Variants in ADAMTS4 observed in about 807,000 individuals in gnomAD.
ADAMTS4 encodes the protein ADAM metallopeptidase with thrombospondin type 1 motif 4.
ADAMTS4 carries 38 observed loss-of-function variants against 66.7 expected under a neutral mutation model. The observed-to-expected ratio is 0.57, with a 90% CI of 0.44 to 0.75. ADAMTS4 has a LOEUF of 0.75. ADAMTS4 is among the 30% of genes least tolerant of loss of function. The probability of loss-of-function intolerance (pLI) is 0.00; values close to 1 mark genes in which losing one functional copy is unlikely to be tolerated. For missense variants in ADAMTS4, 1,014 were observed against 1,116.7 expected (o/e 0.91, Z 1.31); for synonymous variants, 418 against 461.5 (o/e 0.91, Z 1.21).
chr1:161,193,193 G>A lies in ADAMTS4; in HGVS notation c.1911+20C>T. ...GTGTGTGTGACCATAGACAGGGCCT[G>A]GGGGTGTCCTGACCCTCACCCGTGG... On this transcript the variant is annotated intron_variant, in intron 7 of 8. Transcript: ENST00000367996. The surrounding 1 kb of genome is among the most constrained non-coding windows in gnomAD (Gnocchi z 4.4). 6.2e-7 allele frequency: 1 copy of A among 1,605,088 alleles called. No individual in the cohort carries two copies. The highest frequency in any genetic ancestry group is 8.5e-7 in the Non-Finnish European group (1 of 1,174,736).
chr1:161,192,798 T>C (rs1664713532), intron 7 of ADAMTS4, among the ~76,000 whole-genome samples: 1 of 152,012 alleles, frequency 6.6e-6, no homozygotes, highest in African/African-American at 2.4e-5. Context: ...AGAGAGGGAG[T>C]GTAGGGACTT....
chr1:161,192,545 C>A (rs1164844284), intron 7 of ADAMTS4, among the ~76,000 whole-genome samples: 1 of 151,920 alleles, frequency 6.6e-6, no homozygotes, highest in South Asian at 2.1e-4. Flanking sequence ...AGGGATGGAA[C>A]GTTGAGGTTT....
chr1:161,191,634 G>A, intron 8 of ADAMTS4, 70 bp from the exon 9 acceptor site: 2 of 1,447,058 alleles, frequency 1.4e-6, no homozygotes, highest in Non-Finnish European at 9.5e-7. Flanking sequence ...CTGTGCTTAT[G>A]TGACTGTATG....
chr1:161,191,451 C>T lies in ADAMTS4; in HGVS notation c.2201G>A (p.Gly734Asp). ...GTATTCACCATTGAGGGCATAGGAGCCATCTGGCAGCTTCAGGGCCAAGTA... is the reference window on the plus strand; with the variant it reads ...GTATTCACCATTGAGGGCATAGGAGTCATCTGGCAGCTTCAGGGCCAAGTA... ...SIYLALKLPDGSYALNGEYTL... is the reference protein window; with the variant it reads ...SIYLALKLPDDSYALNGEYTL... Residue 734 changes from glycine to aspartate, a missense_variant, in exon 9 of 9, where the codon GGC (glycine) becomes GAC (aspartate). Physicochemically the swap from Gly to Asp is moderately conservative, Grantham distance 94. Coordinates refer to ENST00000367996, the MANE Select transcript of ADAMTS4 (RefSeq NM_005099.6). 1 of 1,614,168 alleles carries T rather than the reference C, an allele frequency of 6.2e-7. No homozygotes were observed. Among genetic ancestry groups the T allele is most frequent in the Non-Finnish European group, 8.5e-7 (1 of 1,180,008 alleles).
rs1360309398 is a variant in ADAMTS4 at position 161,188,929 on chromosome 1, C to T, written c.*2209G>A. 4.3e-5 allele frequency: 4 copies of T among 92,782 alleles called. No homozygotes were observed. Among genetic ancestry groups the T allele is most frequent in the Admixed American group, 2.6e-4 (2 of 7,738 alleles). 5.7% of individuals were successfully genotyped at this position (92,782 alleles called of 1,614,324 possible). A position where few individuals can be genotyped will look rare whatever the true frequency, so the allele number is the denominator to read the frequency against. On this transcript the variant is annotated 3_prime_UTR_variant, in exon 9 of 9. Transcript: ENST00000367996. ...ATATATTTTGTATTTTTAGTAGACACGGGGTTTCACTGTGGTAGCCAGGAT... is the reference window on the plus strand; with the variant it reads ...ATATATTTTGTATTTTTAGTAGACATGGGGTTTCACTGTGGTAGCCAGGAT...
rs1664738261 is a variant in ADAMTS4, at chr1:161,193,714, T to C, written c.1661A>G (p.Asn554Ser). 1 of 1,614,012 alleles carries C rather than the reference T, an allele frequency of 6.2e-7. No homozygotes were observed. The highest frequency in any genetic ancestry group is 1.3e-5 in the African/African-American group (1 of 74,986). Residue 554 changes from asparagine (N) to serine (S), a missense_variant, in exon 6 of 9, where the codon AAT becomes AGT. Coordinates refer to ENST00000367996, the MANE Select transcript of ADAMTS4 (RefSeq NM_005099.6). This position sits in a 1 kb window ranked among gnomAD's most constrained non-coding sequence, Gnocchi z 4.4. ...GCGGCCCTCACAGTACTTGCCACCATTCCGGGGGACAGGCCTCGTGCAGTC... is the reference window on the plus strand; with the variant it reads ...GCGGCCCTCACAGTACTTGCCACCACTCCGGGGGACAGGCCTCGTGCAGTC... ...SRDCTRPVPR[N>S]GGKYCEGRRT...
chr1:161,193,331 T>G lies in ADAMTS4; in HGVS notation c.1793A>C (p.Lys598Thr), dbSNP rs765047810. The change falls in exon 7 of 9, where the codon AAG (lysine) becomes ACG (threonine). Residue 598 changes from lysine to threonine, a missense_variant. By Grantham distance (78) the Lys-to-Thr change is moderately conservative (BLOSUM62 -1). Transcript: ENST00000367996. This position sits in a 1 kb window ranked among gnomAD's most constrained non-coding sequence, Gnocchi z 4.4. ...AAYNHRTDLFKSFPGPMDWVP... is the reference protein window; with the variant it reads ...AAYNHRTDLFTSFPGPMDWVP... ...CCAGTCCATGGGCCCTGGGAAGCTC[T>G]TGAAGAGGTCGGTGCGGTGGTTGTA... The G allele has an allele frequency of 6.2e-7, 1 of 1,613,872 alleles. No homozygotes were observed. The highest frequency in any genetic ancestry group is 1.3e-5 in the African/African-American group (1 of 74,890).
Position 161,196,267 on chromosome 1 carries a change from T to C in ADAMTS4, c.994A>G (p.Met332Val), listed in dbSNP as rs1664831075. The C allele has an allele frequency of 1.9e-6, 3 of 1,613,664 alleles. No individual in the cohort carries two copies. Among genetic ancestry groups the C allele is most frequent in the African/African-American group, 1.3e-5 (1 of 74,980 alleles). The change falls in exon 3 of 9, where the codon ATG (methionine) becomes GTG (valine). Residue 332 changes from methionine to valine, a missense_variant. Physicochemically the swap from Met to Val is conservative, Grantham distance 21 (BLOSUM62 1). Coordinates refer to ENST00000367996, the MANE Select transcript of ADAMTS4 (RefSeq NM_005099.6). Reference sequence around the variant, plus strand: ...TCACAGACGGTGCCCACATCAGCCATACCCAGCGTGTCGCAAGTGGAGACT... The same window carrying C: ...TCACAGACGGTGCCCACATCAGCCACACCCAGCGTGTCGCAAGTGGAGACT... ...CGVSTCDTLG[M>V]ADVGTVCDPA...
chr1:161,189,727 TG>T lies in ADAMTS4; in HGVS notation c.*1410del. On this transcript the variant is annotated 3_prime_UTR_variant, in exon 9 of 9. Transcript: ENST00000367996. ...ACAGTAAGTAACAGCAGCTGCTATT[TG>T]TTGAGCACTTACTAGATGCTGAGTG... 1 of 152,212 alleles carries T rather than the reference TG, an allele frequency of 6.6e-6. No individual in the cohort carries two copies. The highest frequency in any genetic ancestry group is 1.5e-5 in the Non-Finnish European group (1 of 68,042). 9.4% of individuals were successfully genotyped at this position (152,212 alleles called of 1,614,324 possible). A position where few individuals can be genotyped will look rare whatever the true frequency, so the allele number is the denominator to read the frequency against.
intron 1 of ADAMTS4, 62 bp downstream of exon 1, chr1:161,197,932 AG>A (rs1468600791): frequency 6.6e-6 from 10 of 1,510,720 alleles, no homozygotes; most frequent in Non-Finnish European, 8.9e-6. Context: ...GAGGGTGAAT[AG>A]GGGTCAGTAG....
rs4233367 is a variant in ADAMTS4, at chr1:161,193,247, T to C, written c.1877A>G (p.Gln626Arg). The change falls in exon 7 of 9, where the codon CAG (glutamine) becomes CGG (arginine). Residue 626 changes from glutamine (Q) to arginine (R), a missense_variant. By Grantham distance (43) the Gln-to-Arg change is conservative. Coordinates refer to ENST00000367996, the MANE Select transcript of ADAMTS4 (RefSeq NM_005099.6). The surrounding 1 kb of genome is among the most constrained non-coding windows in gnomAD (Gnocchi z 4.4). Reference protein sequence around the residue: ...QDQCKLTCQAQALGYYYVLEP... With the variant: ...QDQCKLTCQARALGYYYVLEP... ...CAGCACATAGTAGTAGCCCAGTGCCTGGGCCTGGCAGGTGAGTTTGCACTG... is the reference window on the plus strand; with the variant it reads ...CAGCACATAGTAGTAGCCCAGTGCCCGGGCCTGGCAGGTGAGTTTGCACTG... 0.63 allele frequency: 1,010,783 copies of C among 1,613,388 alleles called. 320,657 individuals are homozygous for C. The highest frequency in any genetic ancestry group is 0.92 in the East Asian group (41,107 of 44,872).
At position 161,187,794 on chromosome 1, in the gene ADAMTS4, A is replaced by G. The variant is rs949845972; in HGVS notation, c.*3344T>C. 6.6e-6 allele frequency: 1 copy of G among 152,010 alleles called. No homozygotes were observed. Among genetic ancestry groups the G allele is most frequent in the African/African-American group, 2.4e-5 (1 of 41,376 alleles). The allele number at this position is 152,010 out of a possible 1,614,324, so 9.4% of individuals were successfully genotyped here. On this transcript the variant is annotated 3_prime_UTR_variant, in exon 9 of 9. Coordinates refer to ENST00000367996, the MANE Select transcript of ADAMTS4 (RefSeq NM_005099.6). ...CTCAACCTCAGGGTCTTCTTTACCTATAGTTTCTCCCACAACCCCACATCC... is the reference window on the plus strand; with the variant it reads ...CTCAACCTCAGGGTCTTCTTTACCTGTAGTTTCTCCCACAACCCCACATCC...
In ADAMTS4 at chr1:161,184,684, C is replaced by T. The variant is rs1664504581; in HGVS notation, c.*6454G>A. ...ATCCATTTTCAGGTGAAAATTCTTA[C>T]ATTTTCCGCTCCCTACTACTTATTT... On this transcript the variant is annotated 3_prime_UTR_variant, in exon 9 of 9. Coordinates refer to ENST00000367996, the MANE Select transcript of ADAMTS4 (RefSeq NM_005099.6). 6.6e-6 allele frequency: 1 copy of T among 152,154 alleles called. No individual in the cohort carries two copies. The highest frequency in any genetic ancestry group is 2.4e-5 in the African/African-American group (1 of 41,416). The allele number at this position is 152,154 out of a possible 1,614,324, so 9.4% of individuals were successfully genotyped here.
Position 161,192,028 on chromosome 1 carries a change from T to G in ADAMTS4, c.2087+37A>C, listed in dbSNP as rs748808947. ...CTCTGCATCACTAGGACCCAGAATG[T>G]CCAGGAAGGTAGAGGGAGGAATGAT... On this transcript the variant is annotated intron_variant, in intron 8 of 8. Transcript: ENST00000367996. The G allele has an allele frequency of 4.4e-6, 7 of 1,606,866 alleles. No homozygotes were observed. In the South Asian group the frequency reaches 5.5e-5, roughly 13 times the overall value.
In ADAMTS4 at chr1:161,194,538, T is replaced by C. The variant is rs1249080293; in HGVS notation, c.1262-317A>G. The stretch of plus-strand genomic sequence containing the variant: ...CTGAGTAGCTGGGATTACAGGCATG[T>C]GCCATGTCCAGCTAATTTTTTGGAA... On this transcript the variant is annotated intron_variant, in intron 4 of 8. Transcript: ENST00000367996. The surrounding 1 kb of genome is among the most constrained non-coding windows in gnomAD (Gnocchi z 4.1). Among the ~76,000 whole-genome samples, 1 of 152,012 alleles carries C rather than the reference T, an allele frequency of 6.6e-6. No homozygotes were observed. The highest frequency in any genetic ancestry group is 1.5e-5 in the Non-Finnish European group (1 of 67,996).
Position 161,187,249 on chromosome 1 carries a change from C to T in ADAMTS4, c.*3889G>A, listed in dbSNP as rs565487323. 10 of 152,250 alleles carry T rather than the reference C, an allele frequency of 6.6e-5. No individual in the cohort carries two copies. Among genetic ancestry groups the T allele is most frequent in the East Asian group, 1.9e-4 (1 of 5,186 alleles). 9.4% of individuals were successfully genotyped at this position (152,250 alleles called of 1,614,324 possible). ...GCAGTGTGAACCCCTTTAGGACAGT[C>T]GTATATATTGTTTGTATTTGTACCT... On this transcript the variant is annotated 3_prime_UTR_variant, in exon 9 of 9. Transcript: ENST00000367996.
intron 2 of ADAMTS4, 102 bp downstream of exon 2, chr1:161,196,455 C>T (rs1223544778): frequency 1.3e-5 from 20 of 1,510,126 alleles, no homozygotes; most frequent in Non-Finnish European, 1.7e-5. Context: ...GGCAAGGCAC[C>T]ATGTCACACA....
At position 161,194,111 on chromosome 1, in the gene ADAMTS4, G is replaced by A. The variant is rs143490869; in HGVS notation, c.1372C>T (p.Arg458Cys). The change falls in exon 5 of 9, where the codon CGC (arginine) becomes TGC (cysteine). Residue 458 changes from arginine (R) to cysteine (C), a missense_variant. By Grantham distance (180) the Arg-to-Cys change is radical. Transcript: ENST00000367996. This position sits in a 1 kb window ranked among gnomAD's most constrained non-coding sequence, Gnocchi z 4.1. Reference protein sequence around the residue: ...QCQLTFGPDSRHCPQLPPPCA... With the variant: ...QCQLTFGPDSCHCPQLPPPCA... ...GGCGGCGGCAGCTGTGGACAATGGCGTGAGTCGGGCCCGAAGGTCAGCTGG... is the reference window on the plus strand; with the variant it reads ...GGCGGCGGCAGCTGTGGACAATGGCATGAGTCGGGCCCGAAGGTCAGCTGG... 111 of 1,614,132 alleles carry A rather than the reference G, an allele frequency of 6.9e-5. No homozygotes were observed. Among genetic ancestry groups the A allele is most frequent in the Admixed American group, 1.0e-4 (6 of 60,004 alleles).
In ADAMTS4 at chr1:161,198,941, C is replaced by T. The variant is rs1284191956; in HGVS notation, c.-314G>A. On this transcript the variant is annotated 5_prime_UTR_variant, in exon 1 of 9. Coordinates refer to ENST00000367996, the MANE Select transcript of ADAMTS4 (RefSeq NM_005099.6). The surrounding 1 kb of genome is among the most constrained non-coding windows in gnomAD (Gnocchi z 4.7). ...TCCCTCTGTAGGACTCTGTCTGGGC[C>T]GCTTCTGTGCCTGCCCTGTCTCTGC... 1.6e-5 allele frequency: 5 copies of T among 321,036 alleles called. No individual in the cohort carries two copies. The highest frequency in any genetic ancestry group is 2.8e-5 in the Non-Finnish European group (5 of 175,516). 19.9% of individuals were successfully genotyped at this position (321,036 alleles called of 1,614,324 possible). A position where few individuals can be genotyped will look rare whatever the true frequency, so the allele number is the denominator to read the frequency against.
Sources: allele counts gnomAD v4.1 joint callset (sites outside exome capture counted in the v4.1 genomes callset), GRCh38; gene constraint gnomAD v4.1.1; non-coding constraint Gnocchi (gnomAD v3.1); transcripts MANE v1.5; gene names NCBI Gene and HGNC (gene_info 2026-07-23, HGNC 2026-07-21).